The following RBBP9 variants were observed in gnomAD, a reference collection of about 807,000 sequenced individuals.
The protein encoded by RBBP9 is RB binding protein 9, serine hydrolase.
RBBP9 carries 20 observed loss-of-function variants against 24.2 expected under a neutral mutation model. The observed-to-expected ratio is 0.83, with a 90% CI of 0.58 to 1.20. The LOEUF (loss-of-function observed/expected upper bound fraction) is 1.20, where lower values mean the gene tolerates loss of function less well. Among genes scored for constraint, RBBP9 ranks in the 50% most tolerant of loss-of-function variants. The pLI is 0.00. For missense variants in RBBP9, 234 were observed against 233.6 expected (o/e 1.00, Z -0.01); for synonymous variants, 74 against 84.6 (o/e 0.87, Z 0.69).
chr20:18,497,169 A>AGT lies in RBBP9; in HGVS notation c.-4_-3dup. 6.2e-7 allele frequency: 1 copy of AGT among 1,612,498 alleles called. No individual in the cohort carries two copies. The highest frequency in any genetic ancestry group is 8.5e-7 in the Non-Finnish European group (1 of 1,178,658). ...CACTGCCTTGCTAGGAGAAGCCATG[A>AGT]GTGCAGCGAGGCCAGAGTTCCCCAG... On this transcript the variant is annotated 5_prime_UTR_variant, in exon 1 of 5. Coordinates refer to ENST00000337227, the MANE Select transcript of RBBP9 (RefSeq NM_006606.3).
intron 3 of RBBP9, among the ~76,000 whole-genome samples, chr20:18,493,239 G>A (rs2059872060): frequency 6.6e-6 from 1 of 152,162 alleles, no homozygotes; most frequent in Admixed American, 6.5e-5. Context: ...GTAGGGATGT[G>A]CATACGAATC....
At position 18,489,549 on chromosome 20, in the gene RBBP9, G is replaced by A; in HGVS notation, c.*215C>T. 2.1e-6 allele frequency: 1 copy of A among 486,130 alleles called. No individual in the cohort carries two copies. Among genetic ancestry groups the A allele is most frequent in the Non-Finnish European group, 3.7e-6 (1 of 273,116 alleles). The allele number at this position is 486,130 out of a possible 1,614,324, so 30.1% of individuals were successfully genotyped here. ...TGTCCTTATGTTTCTTATCAAATGA[G>A]GAAAATACTGTGGTAGTTCATAGCA... On this transcript the variant is annotated 3_prime_UTR_variant, in exon 5 of 5. Coordinates refer to ENST00000337227, the MANE Select transcript of RBBP9 (RefSeq NM_006606.3).
intron 3 of RBBP9, among the ~76,000 whole-genome samples, chr20:18,492,974 G>A (rs1483016629): frequency 1.3e-5 from 2 of 152,192 alleles, no homozygotes; most frequent in African/African-American, 4.8e-5. Flanking sequence ...GTTCCATCCT[G>A]AAATACTCTT....
chr20:18,493,863 C>T, intron 3 of RBBP9, 95 bp downstream of exon 3: 1 of 967,248 alleles, frequency 1.0e-6, no homozygotes, highest in Non-Finnish European at 1.5e-6. Flanking sequence ...AGCACTGTTT[C>T]CTCTGCAACA....
chr20:18,488,888 A>C lies in RBBP9; in HGVS notation c.*876T>G, dbSNP rs1363968280. 1 of 152,176 alleles carries C rather than the reference A, an allele frequency of 6.6e-6. No homozygotes were observed. The highest frequency in any genetic ancestry group is 2.4e-5 in the African/African-American group (1 of 41,436). 9.4% of individuals were successfully genotyped at this position (152,176 alleles called of 1,614,324 possible). ...ATTTTATTTGTCTTGCAGTGTTTGT[A>C]AATTTTTTGATGTATACTGTTATTG... On this transcript the variant is annotated 3_prime_UTR_variant, in exon 5 of 5. Coordinates refer to ENST00000337227, the MANE Select transcript of RBBP9 (RefSeq NM_006606.3).
At position 18,490,415 on chromosome 20, in the gene RBBP9, TC is replaced by T. The variant is rs755841243; in HGVS notation, c.313del (p.Asp105MetfsTer70). On this transcript the variant is annotated frameshift_variant, in exon 4 of 5. Transcript: ENST00000337227. LOFTEE classifies it high-confidence loss of function. ...LVSAYTSDLG[D>X]ENERASGYFT... ...CTTACCACTTGCACGCTCATTTTCA[TC>T]CCCCAAGTCTGATGTGTACGCAGAC... 17 of 1,613,674 alleles carry T rather than the reference TC, an allele frequency of 1.1e-5. No individual in the cohort carries two copies. The South Asian group carries it at 1.9e-4, about 18-fold the overall frequency.
At position 18,489,764 on chromosome 20, in the gene RBBP9, C is replaced by G. The variant is rs777517744; in HGVS notation, c.561G>C (p.Ter187TyrextTer3). Reference sequence around the variant, plus strand: ...TGCAAAATAGCAGAAATCATACAGTCTATGCTGGTACTTTCAGCAAAGACT... The same window carrying G: ...TGCAAAATAGCAGAAATCATACAGTGTATGCTGGTACTTTCAGCAAAGACT... The part of the protein sequence containing the change: ...VVKSLLKVPA[*>Y] The change falls in exon 5 of 5, where the codon TAG becomes TAC. Residue 187 changes from the stop codon to tyrosine, a stop_lost. Coordinates refer to ENST00000337227, the MANE Select transcript of RBBP9 (RefSeq NM_006606.3). 1 of 1,596,732 alleles carries G rather than the reference C, an allele frequency of 6.3e-7. No homozygotes were observed. The highest frequency in any genetic ancestry group is 8.6e-7 in the Non-Finnish European group (1 of 1,164,860).
Position 18,487,958 on chromosome 20 carries a change from A to G in RBBP9, c.*1806T>C, listed in dbSNP as rs1457650443. On this transcript the variant is annotated 3_prime_UTR_variant, in exon 5 of 5. Coordinates refer to ENST00000337227, the MANE Select transcript of RBBP9 (RefSeq NM_006606.3). ...AGAGCAAGACACTGTCTCAAAAATA[A>G]TAATAAGGACGTCCACCACACTTTA... 6.6e-6 allele frequency: 1 copy of G among 152,190 alleles called. No individual in the cohort carries two copies. The highest frequency in any genetic ancestry group is 2.4e-5 in the African/African-American group (1 of 41,440). The allele number at this position is 152,190 out of a possible 1,614,324, so 9.4% of individuals were successfully genotyped here.
At position 18,497,220 on chromosome 20, in the gene RBBP9, GCCT is replaced by G; in HGVS notation, c.-56_-54del. On this transcript the variant is annotated 5_prime_UTR_variant, in exon 1 of 5. Transcript: ENST00000337227. Reference sequence around the variant, plus strand: ...CGCGGGTCCAGCGGAGCTGAGCCCAGCCTGCTCCCGCAGGGAGCCTGCGCCGCG... The same window carrying G: ...CGCGGGTCCAGCGGAGCTGAGCCCAGGCTCCCGCAGGGAGCCTGCGCCGCG... 6 of 1,448,180 alleles carry G rather than the reference GCCT, an allele frequency of 4.1e-6. No homozygotes were observed. In the Admixed American group the frequency reaches 7.0e-5, roughly 17 times the overall value. The allele number at this position is 1,448,180 out of a possible 1,614,324, so 89.7% of individuals were successfully genotyped here.
chr20:18,494,128 C>T, intron 2 of RBBP9, 65 bp from the exon 3 acceptor site: 1 of 1,292,730 alleles, frequency 7.7e-7, no homozygotes, highest in Non-Finnish European at 1.1e-6. Context: ...CAACGCTGCC[C>T]CACCTTTCAA....
rs2059848793 is a variant in RBBP9 at position 18,487,551 on chromosome 20, T to G, written c.*2213A>C. The G allele has an allele frequency of 6.6e-6, 1 of 152,218 alleles. No homozygotes were observed. The highest frequency in any genetic ancestry group is 2.4e-5 in the African/African-American group (1 of 41,446). The allele number at this position is 152,218 out of a possible 1,614,324, so 9.4% of individuals were successfully genotyped here. A position where few individuals can be genotyped will look rare whatever the true frequency, so the allele number is the denominator to read the frequency against. On this transcript the variant is annotated 3_prime_UTR_variant, in exon 5 of 5. Transcript: ENST00000337227. ...TTAACAACATTATTATTCAACTGATTTATATAATTTGCTTTTTAGTAGTCA... is the reference window on the plus strand; with the variant it reads ...TTAACAACATTATTATTCAACTGATGTATATAATTTGCTTTTTAGTAGTCA...
chr20:18,491,235 A>G (rs776224687), intron 3 of RBBP9, among the ~76,000 whole-genome samples: 10 of 152,230 alleles, frequency 6.6e-5, no homozygotes, highest in Non-Finnish European at 1.3e-4. Context: ...GAAACACTGT[A>G]TAATACCAGA....
At chr20:18,493,868 G>A (rs2059874013) in intron 3 of RBBP9, 90 bp downstream of exon 3, 1 of 1,016,806 alleles carries the variant, frequency 9.8e-7, no homozygotes, top group East Asian at 2.5e-5. Context: ...TGTTTCCTCT[G>A]CAACAGAAAT....
chr20:18,490,836 C>T (rs1315278649), intron 3 of RBBP9, among the ~76,000 whole-genome samples: 4 of 152,098 alleles, frequency 2.6e-5, no homozygotes, highest in East Asian at 1.9e-4. Flanking sequence ...TGCACCACCA[C>T]GCCCAGCTAA....
In RBBP9 at chr20:18,489,224, C is replaced by G. The variant is rs1441194250; in HGVS notation, c.*540G>C. On this transcript the variant is annotated 3_prime_UTR_variant, in exon 5 of 5. Coordinates refer to ENST00000337227, the MANE Select transcript of RBBP9 (RefSeq NM_006606.3). ...GCCTGACTCCGGAAGACTCCTGTCT[C>G]AGTCTCTCTCAACATGTCTGAAGGA... The G allele has an allele frequency of 6.6e-6, 1 of 152,470 alleles. No homozygotes were observed. The highest frequency in any genetic ancestry group is 1.5e-5 in the Non-Finnish European group (1 of 68,208). 9.4% of individuals were successfully genotyped at this position (152,470 alleles called of 1,614,324 possible). A position where few individuals can be genotyped will look rare whatever the true frequency, so the allele number is the denominator to read the frequency against.
In RBBP9 at chr20:18,494,068, A is replaced by C; in HGVS notation, c.143-5T>G. 1 of 1,611,218 alleles carries C rather than the reference A, an allele frequency of 6.2e-7. No homozygotes were observed. The highest frequency in any genetic ancestry group is 1.1e-5 in the South Asian group (1 of 90,926). On this transcript the variant is annotated splice_polypyrimidine_tract_variant and splice_region_variant and intron_variant, in intron 2 of 4. Transcript: ENST00000337227. Reference sequence around the variant, plus strand: ...AGATGCTCTCTCGTGCTGTAACTTAAGGTTCAGGGTAAAGAAAAAGTCTGT... The same window carrying C: ...AGATGCTCTCTCGTGCTGTAACTTACGGTTCAGGGTAAAGAAAAAGTCTGT...
chr20:18,496,745 GA>G (rs1388715402), intron 1 of RBBP9, among the ~76,000 whole-genome samples: 2 of 152,148 alleles, frequency 1.3e-5, no homozygotes, highest in Non-Finnish European at 2.9e-5. Context: ...GGGAAGCAGT[GA>G]ACATGTAAAA....
chr20:18,495,581 C>A (rs1228033127), intron 2 of RBBP9, among the ~76,000 whole-genome samples: 3 of 117,122 alleles, frequency 2.6e-5, no homozygotes, highest in Admixed American at 9.8e-5. Flanking sequence ...CAAGAATGAT[C>A]AATAAATAAA....
At chr20:18,494,974 C>T (rs1284005771) in intron 2 of RBBP9, among the ~76,000 whole-genome samples, 1 of 152,214 alleles carries the variant, frequency 6.6e-6, no homozygotes, top group African/African-American at 2.4e-5. Flanking sequence ...CTAATCCTTA[C>T]TAGAATTTTC....
Sources: gnomAD v4.1 joint callset for allele counts (sites outside exome capture counted in the v4.1 genomes callset) on GRCh38, gnomAD v4.1.1 for gene constraint, MANE v1.5 for transcripts, NCBI Gene and HGNC (gene_info 2026-07-23, HGNC 2026-07-21) for gene names.